The following MICAL2 variants were observed in gnomAD, a reference collection of about 807,000 sequenced individuals.
MICAL2 encodes the protein [F-actin]-monooxygenase MICAL2.
MICAL2 carries 77 observed loss-of-function variants against 127.3 expected under a neutral mutation model. That is an observed-to-expected ratio of 0.60 (90% CI 0.50 to 0.73). The LOEUF is 0.73. Ranked by LOEUF, MICAL2 falls within the 30% of genes least tolerant of loss-of-function variation. MICAL2 has a pLI of 0.00. For synonymous variants in MICAL2, 570 were observed against 551.1 expected (o/e 1.03, Z -0.48); for missense variants, 1,351 against 1,434.4 (o/e 0.94, Z 0.94).
chr11:12,172,183 A>G lies in MICAL2; in HGVS notation c.264+9764A>G, dbSNP rs564755857. Among the ~76,000 whole-genome samples, 12 of 152,168 alleles carry G rather than the reference A, an allele frequency of 7.9e-5. No homozygotes were observed. The South Asian group carries it at 2.1e-3, about 26-fold the overall frequency. On this transcript the variant is annotated intron_variant, in intron 3 of 27. Transcript: ENST00000683283. Reference sequence around the variant, plus strand: ...AGATGGGGTTGCTCTAGCTACATACATCTCTTTATCACGCAGGCAAAAGTG... The same window carrying G: ...AGATGGGGTTGCTCTAGCTACATACGTCTCTTTATCACGCAGGCAAAAGTG...
At chr11:12,273,976 C>T (rs969724885), upstream of MICAL2, among the ~76,000 whole-genome samples, 2 of 151,964 alleles carry the variant, frequency 1.3e-5, no homozygotes, top group African/African-American at 4.8e-5. Context: ...AAGAGTGTAG[C>T]CAACCCTTCC....
At chr11:12,156,117 A>T (rs905011425) in intron 2 of MICAL2, among the ~76,000 whole-genome samples, 5 of 152,230 alleles carry the variant, frequency 3.3e-5, no homozygotes, top group African/African-American at 1.2e-4. Flanking sequence ...CAGGGCCTGC[A>T]GTGGACCTGG....
chr11:12,228,412 GC>G (rs1254289973), intron 15 of MICAL2, among the ~76,000 whole-genome samples: 1 of 152,196 alleles, frequency 6.6e-6, no homozygotes, highest in Admixed American at 6.5e-5. Context: ...TCATTACTTT[GC>G]CCCTACCCCA....
At chr11:12,262,219 A>G in intron 26 of MICAL2, 1 of 1,361,630 alleles carries the variant, frequency 7.3e-7, no homozygotes, top group Non-Finnish European at 9.5e-7. Flanking sequence ...GCTAGAGTAA[A>G]ATGGGGGCAG....
Position 12,183,486 on chromosome 11 carries a change from C to T in MICAL2, c.265-20764C>T, listed in dbSNP as rs116764504. ...GAGCCCAGAATCTAACCGCCTGTGC[C>T]CTTCTCAGGCACAGATGTTTCTGAG... On this transcript the variant is annotated intron_variant, in intron 3 of 27. Transcript: ENST00000683283. Among the ~76,000 whole-genome samples, 817 of 152,292 alleles carry T rather than the reference C, an allele frequency of 5.4e-3. 13 individuals carry two copies. Among genetic ancestry groups the T allele is most frequent in the Middle Eastern group, 0.017 (5 of 294 alleles).
rs374602882 is a variant in MICAL2, at chr11:12,256,852, G to A, written c.3023G>A (p.Arg1008His). Reference protein sequence around the residue: ...GSDTCYFCKKRVYVMERLSAE... With the variant: ...GSDTCYFCKKHVYVMERLSAE... ...GACACGTGTTACTTCTGTAAGAAAC[G>A]TGTGTACGTGATGGAACGGCTGAGC... The change falls in exon 24 of 28, where the codon CGT (arginine) becomes CAT (histidine). Residue 1008 changes from arginine (R) to histidine (H), a missense_variant. Around this residue, in one of 2 missense-constraint regions of MICAL2, gnomAD observed 752 missense variants for 719.4 expected, o/e 1.05. Coordinates refer to ENST00000683283, the MANE Select transcript of MICAL2 (RefSeq NM_001282663.2). 54 of 1,614,088 alleles carry A rather than the reference G, an allele frequency of 3.3e-5. No individual in the cohort carries two copies. Among genetic ancestry groups the A allele is most frequent in the African/African-American group, 1.5e-4 (11 of 74,950 alleles).
chr11:12,301,079 G>A (rs1043688291), intron 29 of MICAL2, among the ~76,000 whole-genome samples: 2 of 152,116 alleles, frequency 1.3e-5, no homozygotes, highest in African/African-American at 4.8e-5. Context: ...ACATGGCAGT[G>A]GCAAGAGAAA....
At chr11:12,154,332 C>T (rs550921187) in intron 2 of MICAL2, among the ~76,000 whole-genome samples, 49 of 152,150 alleles carry the variant, frequency 3.2e-4, no homozygotes, top group African/African-American at 1.1e-3. Context: ...AAGACCTGAG[C>T]GCTTGTTAGG....
chr11:12,294,572 G>A (rs200851431), downstream of MICAL2: 1,853 of 1,614,204 alleles, frequency 1.1e-3, 1 homozygote, highest in Non-Finnish European at 1.5e-3. Flanking sequence ...GAGTTTGCAA[G>A]AGAACTTCCC....
chr11:12,213,870 T>C (rs1855823245), intron 7 of MICAL2, among the ~76,000 whole-genome samples: 1 of 152,102 alleles, frequency 6.6e-6, no homozygotes, highest in Non-Finnish European at 1.5e-5. Flanking sequence ...GTTTGTGCAA[T>C]ACAGCACTGC....
intron 19 of MICAL2, 38 bp from the exon 20 acceptor site, chr11:12,242,633 A>G: frequency 1.3e-6 from 2 of 1,573,510 alleles, no homozygotes; most frequent in South Asian, 1.1e-5. Flanking sequence ...CTCTGTCACT[A>G]TCTCTCTTTT....
At chr11:12,226,899 C>T (rs960598357) in intron 14 of MICAL2, 126 bp from the exon 15 acceptor site, 6 of 699,894 alleles carry the variant, frequency 8.6e-6, no homozygotes, top group African/African-American at 5.4e-5. Context: ...CGTGATCCAC[C>T]TGTCTTGGCC....
At chr11:12,241,654 A>G (rs2641935) in intron 18 of MICAL2, among the ~76,000 whole-genome samples, 151,510 of 152,346 alleles carry the variant, frequency 0.99, 75,344 homozygotes, top group Middle Eastern at 1. Flanking sequence ...GTCACGGAGT[A>G]TGGCTTATGG....
At position 12,180,921 on chromosome 11, in the gene MICAL2, C is replaced by CTTTTTTTTTTT. The variant is rs56946936; in HGVS notation, c.264+18516_264+18526dup. On this transcript the variant is annotated intron_variant, in intron 3 of 27. Transcript: ENST00000683283. ...AATTATTCTTGCCTTTATTTTCCTTCTTTTTTTTTTTTTTTTTTTTTTTTG... is the reference window on the plus strand; with the variant it reads ...AATTATTCTTGCCTTTATTTTCCTTCTTTTTTTTTTTTTTTTTTTTTTTTTTTTTTTTTTTG... Among the ~76,000 whole-genome samples the CTTTTTTTTTTT allele has an allele frequency of 9.7e-5, 8 of 82,438 alleles. 1 individual carries two copies. Among genetic ancestry groups the CTTTTTTTTTTT allele is most frequent in the Non-Finnish European group, 1.5e-4 (6 of 40,436 alleles). The allele number at this position is 82,438 out of a possible 152,430, so 54.1% of individuals were successfully genotyped here. A position where few individuals can be genotyped will look rare whatever the true frequency, so the allele number is the denominator to read the frequency against.
At chr11:12,217,611 G>C (rs1856344838) in intron 8 of MICAL2, among the ~76,000 whole-genome samples, 1 of 152,134 alleles carries the variant, frequency 6.6e-6, no homozygotes, top group Admixed American at 6.5e-5. Context: ...TTGCAGAGGA[G>C]AGGTTAGGCA....
chr11:12,245,050 A>G (rs1231432268), intron 21 of MICAL2, among the ~76,000 whole-genome samples: 1 of 152,202 alleles, frequency 6.6e-6, no homozygotes, highest in Non-Finnish European at 1.5e-5. Context: ...GGTGCTTTTC[A>G]TGTTTTTCAC....
At chr11:12,296,223 A>G (rs1356820314), downstream of MICAL2, among the ~76,000 whole-genome samples, 2 of 151,942 alleles carry the variant, frequency 1.3e-5, no homozygotes, top group East Asian at 3.9e-4. Flanking sequence ...TGATCCTACC[A>G]TCCCTATTGT....
chr11:12,357,897 T>C (rs1939152825), intron 34 of MICAL2, among the ~76,000 whole-genome samples: 1 of 152,142 alleles, frequency 6.6e-6, no homozygotes, highest in African/African-American at 2.4e-5. Flanking sequence ...CTGGTGCAGG[T>C]GGTTTACTTA....
intron 1 of MICAL2, among the ~76,000 whole-genome samples, chr11:12,115,612 C>G (rs953284676): frequency 6.6e-6 from 1 of 152,154 alleles, no homozygotes; most frequent in African/African-American, 2.4e-5. Context: ...AACCACTATG[C>G]CTGGCCTAGC....
Sources: allele counts gnomAD v4.1 joint callset (sites outside exome capture counted in the v4.1 genomes callset), GRCh38; gene constraint gnomAD v4.1.1; regional missense constraint gnomAD v4.1.1; transcripts MANE v1.5; gene names NCBI Gene and HGNC (gene_info 2026-07-23, HGNC 2026-07-21).